Variants in PTDSS1 observed in about 807,000 individuals in gnomAD.
PTDSS1 encodes the protein phosphatidylserine synthase 1.
PTDSS1 carries 45 observed loss-of-function variants against 70.5 expected under a neutral mutation model. The ratio of observed to expected loss-of-function variants is 0.64; its 90% CI spans 0.50 to 0.82. PTDSS1 has a LOEUF of 0.82. PTDSS1 is among the 40% of genes least tolerant of loss of function. PTDSS1 has a pLI of 0.00. For missense variants in PTDSS1, 417 were observed against 586.1 expected (o/e 0.71, Z 2.98); for synonymous variants, 188 against 203.8 (o/e 0.92, Z 0.66).
intron 1 of PTDSS1, 69 bp from the exon 2 acceptor site, chr8:96,273,230 A>C (rs1468263214): frequency 8.6e-7 from 1 of 1,161,190 alleles, no homozygotes; most frequent in Non-Finnish European, 1.2e-6. Context: ...GAACATGGAA[A>C]TCTTCCTTCC....
chr8:96,275,966 G>A (rs906320065), intron 2 of PTDSS1, among the ~76,000 whole-genome samples: 4 of 152,140 alleles, frequency 2.6e-5, no homozygotes, highest in African/African-American at 7.2e-5. Flanking sequence ...AGCATGATAC[G>A]TGCATATGTC....
intron 1 of PTDSS1, among the ~76,000 whole-genome samples, chr8:96,269,026 C>T (rs1810525172): frequency 6.6e-6 from 1 of 152,080 alleles, no homozygotes; most frequent in South Asian, 2.1e-4. Flanking sequence ...GGACTTGTGC[C>T]CTGGGGAGCT....
chr8:96,318,902 CTTTTTTTT>C (rs71267241), intron 9 of PTDSS1, among the ~76,000 whole-genome samples: 2 of 46,168 alleles, frequency 4.3e-5, no homozygotes, highest in Non-Finnish European at 7.9e-5. Flanking sequence ...CCCTTCTTGC[CTTTTTTTT>C]TTTTTTTTTT....
At chr8:96,317,909 G>GTGTGTA (rs1554585830) in intron 9 of PTDSS1, among the ~76,000 whole-genome samples, 4,683 of 116,962 alleles carry the variant, frequency 0.04, 103 homozygotes, top group South Asian at 0.096. Flanking sequence ...GTGTGTGTGT[G>GTGTGTA]TGTGTGTGTG....
intron 12 of PTDSS1, 24 bp from the exon 13 acceptor site, chr8:96,333,433 G>T (rs780804760): frequency 3.2e-6 from 5 of 1,580,692 alleles, no homozygotes; most frequent in Non-Finnish European, 4.3e-6. Context: ...CAGGGTGACG[G>T]TGTGCTCTGA....
At position 96,314,340 on chromosome 8, in the gene PTDSS1, C is replaced by T. The variant is rs114629809; in HGVS notation, c.1073+4718C>T. Among the ~76,000 whole-genome samples, 744 of 152,234 alleles carry T rather than the reference C, an allele frequency of 4.9e-3. 9 individuals are homozygous for T. Among genetic ancestry groups the T allele is most frequent in the African/African-American group, 0.016 (673 of 41,530 alleles). On this transcript the variant is annotated intron_variant, in intron 9 of 12. Coordinates refer to ENST00000517309, the MANE Select transcript of PTDSS1 (RefSeq NM_014754.3). ...GGGATTACAGGCATTGGCCACGGCA[C>T]GCAGCCTAGACTGTCTGTCTTAAGG... is the stretch of plus-strand genomic sequence containing the variant.
chr8:96,315,141 AC>A (rs1168139771), intron 9 of PTDSS1, among the ~76,000 whole-genome samples: 5 of 152,100 alleles, frequency 3.3e-5, no homozygotes, highest in Non-Finnish European at 7.4e-5. Context: ...GTCTTTGCCC[AC>A]CCTAATCAGA....
intron 11 of PTDSS1, 28 bp from the exon 12 acceptor site, chr8:96,330,998 C>G (rs761575007): frequency 6.3e-7 from 1 of 1,588,234 alleles, no homozygotes; most frequent in East Asian, 2.2e-5. Context: ...TCCTAAAATT[C>G]CTGCACTAAG....
In PTDSS1 at chr8:96,312,271, C is replaced by T. The variant is rs190097270; in HGVS notation, c.1073+2649C>T. Reference sequence around the variant, plus strand: ...TTTGAGACTAGCCTGGGTAACATAGCGAGACGTTGTCTCCACAAAAAGTTT... The same window carrying T: ...TTTGAGACTAGCCTGGGTAACATAGTGAGACGTTGTCTCCACAAAAAGTTT... On this transcript the variant is annotated intron_variant, in intron 9 of 12. Transcript: ENST00000517309. 5.9e-5 allele frequency among the ~76,000 whole-genome samples: 9 copies of T among 152,190 alleles called. No homozygotes were observed. The South Asian group carries it at 1.0e-3, about 17-fold the overall frequency.
At chr8:96,311,605 G>C (rs1165390533) in intron 9 of PTDSS1, among the ~76,000 whole-genome samples, 1 of 152,164 alleles carries the variant, frequency 6.6e-6, no homozygotes, top group Non-Finnish European at 1.5e-5. Context: ...GGCTAAAAAT[G>C]TTGATACTCA....
intron 1 of PTDSS1, 89 bp from the exon 2 acceptor site, chr8:96,273,210 C>G (rs1810590986): frequency 1.1e-6 from 1 of 878,244 alleles, no homozygotes; most frequent in Non-Finnish European, 1.7e-6. Context: ...TGGCAGTCCC[C>G]CAGTTTTTAG....
chr8:96,300,897 TAG>T (rs1251113939), intron 6 of PTDSS1, among the ~76,000 whole-genome samples: 1 of 152,108 alleles, frequency 6.6e-6, no homozygotes, highest in Non-Finnish European at 1.5e-5. Context: ...TTCTTAGAAA[TAG>T]AGTGTACCAA....
chr8:96,303,963 A>G, intron 6 of PTDSS1, 77 bp from the exon 7 acceptor site: 6 of 1,439,480 alleles, frequency 4.2e-6, no homozygotes, highest in East Asian at 2.3e-5. Context: ...TCATCAGTGC[A>G]CAGGATTTTT....
intron 9 of PTDSS1, among the ~76,000 whole-genome samples, chr8:96,315,485 C>A (rs1811275306): frequency 6.6e-6 from 1 of 152,192 alleles, no homozygotes; most frequent in Non-Finnish European, 1.5e-5. Context: ...CACACACGAG[C>A]CTAGAGCTTT....
At position 96,320,291 on chromosome 8, in the gene PTDSS1, A is replaced by C. The variant is rs1811356205; in HGVS notation, c.1119A>C (p.Gln373His). Reference sequence around the variant, plus strand: ...CCATTGTTTGCATAAAATTTGGACAAGATCTCTTCTCTAAGACCCAAATAC... The same window carrying C: ...CCATTGTTTGCATAAAATTTGGACACGATCTCTTCTCTAAGACCCAAATAC... ...LEAIVCIKFGQDLFSKTQILY... is the reference protein window; with the variant it reads ...LEAIVCIKFGHDLFSKTQILY... Residue 373 changes from glutamine (Q) to histidine (H), a missense_variant, in exon 10 of 13, where the codon CAA becomes CAC. Coordinates refer to ENST00000517309, the MANE Select transcript of PTDSS1 (RefSeq NM_014754.3). 6.2e-7 allele frequency: 1 copy of C among 1,613,624 alleles called. No homozygotes were observed. Among genetic ancestry groups the C allele is most frequent in the African/African-American group, 1.3e-5 (1 of 75,036 alleles).
At chr8:96,301,589 G>A (rs755276101) in intron 6 of PTDSS1, among the ~76,000 whole-genome samples, 11 of 151,524 alleles carry the variant, frequency 7.3e-5, no homozygotes, top group Non-Finnish European at 1.6e-4. Context: ...GCACAATCTC[G>A]GCTCACTGCA....
At chr8:96,330,918 TG>T in intron 11 of PTDSS1, 107 bp from the exon 12 acceptor site, 2 of 897,652 alleles carry the variant, frequency 2.2e-6, no homozygotes, top group Non-Finnish European at 3.6e-6. Flanking sequence ...TTGCCAGTGA[TG>T]ATCCCAGCCT....
At chr8:96,281,385 C>T (rs1355468412) in intron 2 of PTDSS1, among the ~76,000 whole-genome samples, 1 of 152,152 alleles carries the variant, frequency 6.6e-6, no homozygotes, top group South Asian at 2.1e-4. Context: ...CAAACCTAGA[C>T]TGGGTTTTGA....
intron 9 of PTDSS1, among the ~76,000 whole-genome samples, chr8:96,317,660 G>C (rs1332056941): frequency 6.6e-6 from 1 of 152,036 alleles, no homozygotes; most frequent in East Asian, 1.9e-4. Context: ...GCTTGAGCCT[G>C]GGAAGTGGAG....
Sources: allele counts gnomAD v4.1 joint callset (sites outside exome capture counted in the v4.1 genomes callset), GRCh38; gene constraint gnomAD v4.1.1; transcripts MANE v1.5; gene names NCBI Gene and HGNC (gene_info 2026-07-23, HGNC 2026-07-21).